Variants in MPPED2 observed in about 807,000 individuals in gnomAD.
MPPED2 encodes metallophosphoesterase MPPED2.
Under a neutral mutation model 33.0 loss-of-function variants are expected in MPPED2, and 5 were observed. The observed-to-expected ratio is 0.15, with a 90% CI of 0.08 to 0.32. The LOEUF (loss-of-function observed/expected upper bound fraction) is 0.32. Ranked by LOEUF, MPPED2 falls within the 10% of genes least tolerant of loss-of-function variation. The pLI, the probability that MPPED2 is intolerant of heterozygous loss-of-function variation, is 1.00. For missense variants in MPPED2, 275 were observed against 372.1 expected (o/e 0.74, Z 2.15); for synonymous variants, 136 against 141.9 (o/e 0.96, Z 0.29).
chr11:30,494,757 A>AAAAAAAAAAAAAAAAG (rs768924251), intron 4 of MPPED2, among the ~76,000 whole-genome samples: 18 of 120,862 alleles, frequency 1.5e-4, no homozygotes, highest in South Asian at 2.7e-4. Context: ...AAAAAAAAAA[A>AAAAAAAAAAAAAAAAG]AAAGAAAGAA....
At chr11:30,533,479 T>C (rs887153694) in intron 3 of MPPED2, among the ~76,000 whole-genome samples, 2 of 152,052 alleles carry the variant, frequency 1.3e-5, no homozygotes, top group African/African-American at 4.8e-5. Flanking sequence ...TGCCCTATTA[T>C]GGAAAAAGCC....
At chr11:30,441,290 G>A (rs992913755) in intron 4 of MPPED2, 12 of 152,190 alleles carry the variant, frequency 7.9e-5, no homozygotes, top group Non-Finnish European at 1.6e-4. Flanking sequence ...GTTATTGCTG[G>A]AAACACATGC....
intron 4 of MPPED2, among the ~76,000 whole-genome samples, chr11:30,441,972 T>C (rs1949591555): frequency 6.6e-6 from 1 of 152,210 alleles, no homozygotes; most frequent in Non-Finnish European, 1.5e-5. Context: ...CCTAACTCAG[T>C]GCCTGGCATG....
At chr11:30,562,358 A>G (rs894786907) in intron 2 of MPPED2, among the ~76,000 whole-genome samples, 11 of 152,176 alleles carry the variant, frequency 7.2e-5, no homozygotes, top group African/African-American at 2.4e-4. Context: ...ATATTCTGAA[A>G]TGAAAGTAAT....
chr11:30,423,100 A>G (rs1948682763), intron 4 of MPPED2, among the ~76,000 whole-genome samples: 1 of 152,216 alleles, frequency 6.6e-6, no homozygotes, highest in Admixed American at 6.5e-5. Context: ...CTGTGTTTGC[A>G]GTACACAGTA....
intron 6 of MPPED2, among the ~76,000 whole-genome samples, chr11:30,400,922 G>A (rs572037528): frequency 2.8e-4 from 42 of 151,852 alleles, no homozygotes; most frequent in Admixed American, 1.6e-3. Flanking sequence ...TGCATGCCAC[G>A]ACCCTCAGCT....
chr11:30,422,185 A>T (rs1948644049), intron 4 of MPPED2, among the ~76,000 whole-genome samples: 1 of 152,162 alleles, frequency 6.6e-6, no homozygotes, highest in Admixed American at 6.5e-5. Context: ...GGTTGTAGAA[A>T]TCTTACGCAG....
intron 4 of MPPED2, among the ~76,000 whole-genome samples, chr11:30,485,311 C>T (rs1951668798): frequency 7.1e-6 from 1 of 140,274 alleles, no homozygotes; most frequent in South Asian, 2.3e-4. Context: ...AATTTTACGT[C>T]TGGTACCTGT....
chr11:30,497,427 G>C (rs1223333469), intron 3 of MPPED2, among the ~76,000 whole-genome samples: 2 of 152,120 alleles, frequency 1.3e-5, no homozygotes. Flanking sequence ...CGTTTTCCCA[G>C]ACAGCAATGT....
intron 4 of MPPED2, among the ~76,000 whole-genome samples, chr11:30,494,272 A>AT (rs917667010): frequency 1.3e-5 from 2 of 152,150 alleles, no homozygotes; most frequent in African/African-American, 4.8e-5. Flanking sequence ...CCTAAGGCTG[A>AT]TGGAATGTTC....
At chr11:30,425,048 C>T (rs1346419488) in intron 4 of MPPED2, among the ~76,000 whole-genome samples, 1 of 152,158 alleles carries the variant, frequency 6.6e-6, no homozygotes. Context: ...GTAGCTTGGT[C>T]TTTCGTTATG....
At chr11:30,447,019 T>C (rs1236521596) in intron 4 of MPPED2, among the ~76,000 whole-genome samples, 1 of 152,124 alleles carries the variant, frequency 6.6e-6, no homozygotes, top group African/African-American at 2.4e-5. Flanking sequence ...AGAAAAGCTG[T>C]GGAAAACAAA....
At chr11:30,579,451 A>G (rs982674303) in intron 2 of MPPED2, among the ~76,000 whole-genome samples, 9 of 152,182 alleles carry the variant, frequency 5.9e-5, no homozygotes, top group African/African-American at 2.2e-4. Context: ...TGAATAAACA[A>G]GAGAGATGGT....
chr11:30,405,644 G>T (rs1375989320), downstream of MPPED2, among the ~76,000 whole-genome samples: 1 of 152,176 alleles, frequency 6.6e-6, no homozygotes, highest in African/African-American at 2.4e-5. Flanking sequence ...GAAAGTTAAA[G>T]AACTCATTTT....
chr11:30,493,801 A>G (rs1411191969), intron 4 of MPPED2, among the ~76,000 whole-genome samples: 1 of 152,216 alleles, frequency 6.6e-6, no homozygotes, highest in Non-Finnish European at 1.5e-5. Flanking sequence ...GTCCACTGCA[A>G]ACTTTACCTA....
intron 4 of MPPED2, among the ~76,000 whole-genome samples, chr11:30,438,784 T>G (rs1420383276): frequency 6.6e-6 from 1 of 152,190 alleles, no homozygotes; most frequent in Non-Finnish European, 1.5e-5. Context: ...TAGAGAAGAG[T>G]AGGATGCCCT....
chr11:30,429,058 AAAG>A (rs1948966383), intron 4 of MPPED2: 1 of 152,234 alleles, frequency 6.6e-6, no homozygotes, highest in South Asian at 2.1e-4. Context: ...CTGCGAATAA[AAAG>A]AAGACGTTCA....
intron 3 of MPPED2, among the ~76,000 whole-genome samples, chr11:30,533,112 T>C (rs1285334018): frequency 3.3e-5 from 5 of 152,158 alleles, no homozygotes; most frequent in Non-Finnish European, 7.3e-5. Context: ...TGTCATAATA[T>C]CACAGAATGA....
intron 3 of MPPED2, among the ~76,000 whole-genome samples, chr11:30,519,515 G>C (rs769671645): frequency 6.6e-6 from 1 of 151,616 alleles, no homozygotes; most frequent in African/African-American, 2.4e-5. Flanking sequence ...GGAATGCTAG[G>C]ATACACATAT....
Sources: allele counts gnomAD v4.1 joint callset (sites outside exome capture counted in the v4.1 genomes callset), GRCh38; gene constraint gnomAD v4.1.1; transcripts MANE v1.5; gene names NCBI Gene and HGNC (gene_info 2026-07-23, HGNC 2026-07-21).